SLC25A21: variants seen among roughly 807,000 people sequenced by gnomAD.
SLC25A21 encodes mitochondrial 2-oxodicarboxylate carrier.
In SLC25A21, 47 loss-of-function variants were observed where a neutral mutation model predicts 43.8. The observed-to-expected ratio is 1.07, with a 90% CI of 0.85 to 1.37. The LOEUF (loss-of-function observed/expected upper bound fraction) is 1.37. Among genes scored for constraint, SLC25A21 ranks in the 40% most tolerant of loss-of-function variants. The pLI, the probability that SLC25A21 is intolerant of heterozygous loss-of-function variation, is 0.00. For synonymous variants in SLC25A21, 131 were observed against 121.3 expected, an observed-to-expected ratio of 1.08 and a Z score of -0.52; for missense variants, 352 against 350.2, an observed-to-expected ratio of 1.00 and a Z score of -0.04.
rs542360637 is a variant in SLC25A21, at chr14:36,862,321, G to A, written c.119+12635C>T. On this transcript the variant is annotated intron_variant, in intron 2 of 9. Transcript: ENST00000331299. The stretch of plus-strand genomic sequence containing the variant: ...AGACACATGCACATGTATGTTTATT[G>A]CAGCATTGTTCACAATAGCAAAGAC... Among the ~76,000 whole-genome samples the A allele has an allele frequency of 6.0e-4, 91 of 152,320 alleles. No homozygotes were observed. The Middle Eastern group carries it at 0.014, about 23-fold the overall frequency.
intron 2 of SLC25A21, among the ~76,000 whole-genome samples, chr14:36,836,597 G>A (rs1283457620): frequency 6.6e-6 from 1 of 151,914 alleles, no homozygotes; most frequent in Non-Finnish European, 1.5e-5. Context: ...TGATCTCTGG[G>A]CTCTGCAACA....
intron 2 of SLC25A21, among the ~76,000 whole-genome samples, chr14:36,863,312 C>A (rs1489775282): frequency 6.6e-6 from 1 of 152,072 alleles, no homozygotes; most frequent in Non-Finnish European, 1.5e-5. Context: ...ACCTTATTAG[C>A]TAAGGGAGAG....
chr14:36,872,207 CA>C (rs1217101348), intron 2 of SLC25A21, among the ~76,000 whole-genome samples: 2 of 152,130 alleles, frequency 1.3e-5, no homozygotes, highest in African/African-American at 4.8e-5. Context: ...TCATTTTCCA[CA>C]ATATCTCATG....
intron 3 of SLC25A21, among the ~76,000 whole-genome samples, chr14:36,784,387 C>T (rs1435968125): frequency 6.6e-6 from 1 of 152,040 alleles, no homozygotes; most frequent in Non-Finnish European, 1.5e-5. Flanking sequence ...TATTCTCTAG[C>T]TGGAGATATT....
At chr14:36,776,234 C>CTTTTTTTTTTTTTTTTTTTTTTTTT (rs1397904925) in intron 3 of SLC25A21, among the ~76,000 whole-genome samples, 14 of 75,728 alleles carry the variant, frequency 1.8e-4, no homozygotes, top group African/African-American at 7.4e-4. Flanking sequence ...TTCTTTCTTT[C>CTTTTTTTTTTTTTTTTTTTTTTTTT]TTTCTTTTTT....
At chr14:36,712,015 C>T (rs1441572165) in intron 6 of SLC25A21, among the ~76,000 whole-genome samples, 2 of 152,170 alleles carry the variant, frequency 1.3e-5, no homozygotes, top group Admixed American at 6.5e-5. Context: ...TGATTGTACA[C>T]GTCCTCAAGC....
chr14:37,032,988 CAT>C (rs754982912), intron 1 of SLC25A21, among the ~76,000 whole-genome samples: 43 of 152,200 alleles, frequency 2.8e-4, no homozygotes, highest in Non-Finnish European at 5.9e-4. Context: ...AAAAAGAACA[CAT>C]ATGAAATTTA....
At chr14:36,795,995 T>C (rs1346011664) in intron 3 of SLC25A21, among the ~76,000 whole-genome samples, 1 of 152,126 alleles carries the variant, frequency 6.6e-6, no homozygotes, top group African/African-American at 2.4e-5. Context: ...TTCCAGCTCA[T>C]CAAAGTCATG....
At chr14:36,697,738 C>CATTTTTTTTTTTTT (rs1883093460) in intron 7 of SLC25A21, among the ~76,000 whole-genome samples, 3 of 111,662 alleles carry the variant, frequency 2.7e-5, no homozygotes, top group African/African-American at 1.0e-4. Flanking sequence ...GCAAGCCCTA[C>CATTTTTTTTTTTTT]TTTTTTTTTT....
intron 1 of SLC25A21, among the ~76,000 whole-genome samples, chr14:36,984,369 G>A (rs1960098526): frequency 6.6e-6 from 1 of 152,046 alleles, no homozygotes; most frequent in Non-Finnish European, 1.5e-5. Flanking sequence ...CCCCAAAAGG[G>A]GGAAACTGTT....
chr14:36,782,957 A>T (rs1029020812), intron 3 of SLC25A21, among the ~76,000 whole-genome samples: 58 of 145,574 alleles, frequency 4.0e-4, no homozygotes, highest in Non-Finnish European at 7.0e-4. Context: ...TATAATAAAA[A>T]AATATAAATA....
chr14:36,785,499 T>C (rs184630944), intron 3 of SLC25A21, among the ~76,000 whole-genome samples: 3 of 152,358 alleles, frequency 2.0e-5, no homozygotes, highest in Admixed American at 6.5e-5. Context: ...GAGAGGATTA[T>C]TGAGACAACA....
At chr14:36,915,889 T>C (rs1178901202) in intron 1 of SLC25A21, among the ~76,000 whole-genome samples, 2 of 152,058 alleles carry the variant, frequency 1.3e-5, no homozygotes, top group Non-Finnish European at 2.9e-5. Flanking sequence ...GACATGGCCC[T>C]CATGTAACCT....
chr14:37,158,778 A>C (rs1963891625), intron 1 of SLC25A21, among the ~76,000 whole-genome samples: 2 of 152,160 alleles, frequency 1.3e-5, no homozygotes, highest in South Asian at 4.1e-4. Context: ...AGATTGGAAA[A>C]GAGGAAGTCA....
At chr14:37,145,476 C>CACACACAG (rs780734735) in intron 1 of SLC25A21, among the ~76,000 whole-genome samples, 251 of 143,674 alleles carry the variant, frequency 1.7e-3, no homozygotes, top group South Asian at 1.4e-3. Context: ...CACACACACA[C>CACACACAG]AGAGAGATGA....
intron 1 of SLC25A21, among the ~76,000 whole-genome samples, chr14:37,040,435 G>GA (rs933179127): frequency 1.2e-4 from 12 of 100,816 alleles, no homozygotes; most frequent in Non-Finnish European, 1.1e-4. Flanking sequence ...AAGAAAGAAA[G>GA]AAAGAAAAGA....
chr14:36,770,434 G>A (rs1040261085), intron 3 of SLC25A21, among the ~76,000 whole-genome samples: 4 of 152,112 alleles, frequency 2.6e-5, no homozygotes, highest in African/African-American at 9.7e-5. Flanking sequence ...CACTACCTGG[G>A]TGATGGGATC....
At chr14:36,791,247 A>C (rs1475698296) in intron 3 of SLC25A21, among the ~76,000 whole-genome samples, 1 of 152,208 alleles carries the variant, frequency 6.6e-6, no homozygotes, top group Non-Finnish European at 1.5e-5. Flanking sequence ...ATAAATGCAT[A>C]TATTACTTTA....
intron 1 of SLC25A21, among the ~76,000 whole-genome samples, chr14:37,067,137 G>A (rs1463354695): frequency 1.3e-5 from 2 of 152,250 alleles, no homozygotes; most frequent in South Asian, 2.1e-4. Context: ...GGGGAAGCAG[G>A]AGGGGCAAAA....
Sources: gnomAD v4.1 joint callset for allele counts (sites outside exome capture counted in the v4.1 genomes callset) on GRCh38, gnomAD v4.1.1 for gene constraint, MANE v1.5 for transcripts, NCBI Gene and HGNC (gene_info 2026-07-23, HGNC 2026-07-21) for gene names.